RBFOX1: variants seen among roughly 807,000 people sequenced by gnomAD.
RBFOX1 encodes the protein RNA binding protein fox-1 homolog 1.
A neutral mutation model predicts 57.7 loss-of-function variants in RBFOX1; 8 were observed. The observed-to-expected ratio is 0.14, with a 90% CI of 0.08 to 0.25. The LOEUF (loss-of-function observed/expected upper bound fraction) is 0.25, where lower values mean the gene tolerates loss of function less well. RBFOX1 is among the 10% of genes least tolerant of loss of function. The probability of loss-of-function intolerance (pLI) is 1.00; values close to 1 mark genes in which losing one functional copy is unlikely to be tolerated. For synonymous variants in RBFOX1, 326 were observed against 222.4 expected (o/e 1.47, Z -4.15); for missense variants, 611 against 548.5 (o/e 1.11, Z -1.14).
intron 1 of RBFOX1, among the ~76,000 whole-genome samples, chr16:5,370,038 C>A (rs528347385): frequency 6.6e-6 from 1 of 152,200 alleles, no homozygotes; most frequent in Non-Finnish European, 1.5e-5. Context: ...TGCATCTATT[C>A]CATGTATTGA....
chr16:7,567,617 C>A (rs2092172776), intron 5 of RBFOX1, among the ~76,000 whole-genome samples: 1 of 11,246 alleles, frequency 8.9e-5, no homozygotes, highest in African/African-American at 1.8e-4. Context: ...CTTTATATGG[C>A]CCTATATATA....
intron 3 of RBFOX1, among the ~76,000 whole-genome samples, chr16:5,694,899 G>T (rs893724402): frequency 1.3e-5 from 2 of 151,830 alleles, no homozygotes; most frequent in South Asian, 4.2e-4. Context: ...ATTCTGCTTT[G>T]AACAGTTTAG....
intron 4 of RBFOX1, among the ~76,000 whole-genome samples, chr16:7,473,687 A>G (rs2062025388): frequency 6.6e-6 from 1 of 151,876 alleles, no homozygotes; most frequent in Non-Finnish European, 1.5e-5. Flanking sequence ...AGAAAGAGAG[A>G]GAATGTGGTG....
chr16:7,516,852 T>A (rs151303788), intron 4 of RBFOX1, among the ~76,000 whole-genome samples: 1 of 152,158 alleles, frequency 6.6e-6, no homozygotes. Flanking sequence ...TTTTCCTCTC[T>A]TCTTTCTGTC....
chr16:5,358,786 C>T (rs2065462642), intron 1 of RBFOX1, among the ~76,000 whole-genome samples: 1 of 152,152 alleles, frequency 6.6e-6, no homozygotes, highest in African/African-American at 2.4e-5. Context: ...GAGATCGCGC[C>T]ATTGCACTCT....
intron 3 of RBFOX1, among the ~76,000 whole-genome samples, chr16:5,712,000 T>C (rs2051504351): frequency 6.6e-6 from 1 of 152,234 alleles, no homozygotes; most frequent in South Asian, 2.1e-4. Flanking sequence ...TAGTTCCTCA[T>C]GGCTGGGAAG....
In RBFOX1 at chr16:6,558,497, G is replaced by T. The variant is rs556712725; in HGVS notation, c.-63-96106G>T. 2.4e-4 allele frequency among the ~76,000 whole-genome samples: 36 copies of T among 152,196 alleles called. No homozygotes were observed. The South Asian group carries it at 7.5e-3, about 32-fold the overall frequency. ...CTGTATGACTTGAGTCATCTGTCAC[G>T]TTGGAAGGACATTGGAAAAATCAGC... On this transcript the variant is annotated intron_variant, in intron 2 of 15. Coordinates refer to ENST00000550418, the MANE Select transcript of RBFOX1 (RefSeq NM_018723.4).
chr16:7,280,691 A>T (rs1166963461), intron 4 of RBFOX1, among the ~76,000 whole-genome samples: 1 of 152,132 alleles, frequency 6.6e-6, no homozygotes, highest in African/African-American at 2.4e-5. Context: ...GGCCCTGCTG[A>T]CGTTTTGGAC....
rs36099923 is a variant in RBFOX1 at position 6,539,124 on chromosome 16, G to GA, written c.-63-115468dup. Among the ~76,000 whole-genome samples, 226 of 148,426 alleles carry GA rather than the reference G, an allele frequency of 1.5e-3. 1 individual carries two copies. Among genetic ancestry groups the GA allele is most frequent in the African/African-American group, 2.6e-3 (105 of 40,258 alleles). ...GAAAGAACAGTTGATGATATTTGGTGAAAAAAAAAAAGAAAATTTGCCCAT... is the reference window on the plus strand; with the variant it reads ...GAAAGAACAGTTGATGATATTTGGTGAAAAAAAAAAAAGAAAATTTGCCCAT... On this transcript the variant is annotated intron_variant, in intron 2 of 15. Transcript: ENST00000550418.
At chr16:5,757,839 T>C (rs1167173450) in intron 3 of RBFOX1, among the ~76,000 whole-genome samples, 1 of 152,176 alleles carries the variant, frequency 6.6e-6, no homozygotes, top group Non-Finnish European at 1.5e-5. Context: ...GGGCTCATGC[T>C]TCTACTACTG....
intron 4 of RBFOX1, among the ~76,000 whole-genome samples, chr16:7,339,772 C>T (rs570301445): frequency 3.6e-4 from 55 of 152,162 alleles, no homozygotes; most frequent in Non-Finnish European, 6.3e-4. Context: ...CTTTTGTCTG[C>T]GATGAAGAAA....
intron 1 of RBFOX1, among the ~76,000 whole-genome samples, chr16:6,127,223 G>C (rs1320199226): frequency 6.6e-6 from 1 of 151,824 alleles, no homozygotes. Flanking sequence ...TCAAAGGTTT[G>C]GGTTTAAACA....
intron 1 of RBFOX1, among the ~76,000 whole-genome samples, chr16:6,048,993 A>G (rs1016536604): frequency 2.7e-5 from 4 of 150,684 alleles, no homozygotes; most frequent in Non-Finnish European, 1.5e-5. Flanking sequence ...AGACTTGATC[A>G]TCATTTTGAT....
chr16:5,265,298 G>A (rs949665660), intron 1 of RBFOX1, among the ~76,000 whole-genome samples: 2 of 151,802 alleles, frequency 1.3e-5, no homozygotes, highest in Admixed American at 6.6e-5. Context: ...TTGATAAAAC[G>A]GTACAGCCAT....
chr16:5,607,522 G>A (rs549221638), intron 3 of RBFOX1, among the ~76,000 whole-genome samples: 5 of 152,094 alleles, frequency 3.3e-5, no homozygotes, highest in African/African-American at 7.2e-5. Context: ...TGATACTGAC[G>A]GGTTTCAATG....
chr16:5,953,453 C>G (rs180833222), intron 4 of RBFOX1, among the ~76,000 whole-genome samples: 128 of 152,058 alleles, frequency 8.4e-4, no homozygotes, highest in Non-Finnish European at 1.6e-3. Flanking sequence ...GAGCACTGTA[C>G]GCTGCACCCA....
Position 7,687,319 on chromosome 16 carries a change from A to T in RBFOX1, c.995+10481A>T, listed in dbSNP as rs183911418. On this transcript the variant is annotated intron_variant, in intron 14 of 15. Transcript: ENST00000550418. ...GGAGGTAAAATACTGATTGCAAGGA[A>T]CCTCCCTTTGAAGGTGATAAAACTG... Among the ~76,000 whole-genome samples, 123 of 151,910 alleles carry T rather than the reference A, an allele frequency of 8.1e-4. No individual in the cohort carries two copies. In the East Asian group the frequency reaches 0.021, roughly 26 times the overall value.
intron 4 of RBFOX1, among the ~76,000 whole-genome samples, chr16:5,883,875 G>T (rs2057829509): frequency 6.6e-6 from 1 of 152,170 alleles, no homozygotes; most frequent in African/African-American, 2.4e-5. Flanking sequence ...GGATGAGAAG[G>T]TAGGAACCCT....
chr16:7,549,715 C>T (rs934641646), intron 5 of RBFOX1, among the ~76,000 whole-genome samples: 1 of 152,202 alleles, frequency 6.6e-6, no homozygotes, highest in Admixed American at 6.5e-5. Context: ...TTAGTCTTTC[C>T]ACCTTCTTCT....
Sources: gnomAD v4.1 joint callset for allele counts (sites outside exome capture counted in the v4.1 genomes callset) on GRCh38, gnomAD v4.1.1 for gene constraint, MANE v1.5 for transcripts, NCBI Gene and HGNC (gene_info 2026-07-23, HGNC 2026-07-21) for gene names.